The following RIMS2 variants were observed in gnomAD, a reference collection of about 807,000 sequenced individuals.
RIMS2 encodes regulating synaptic membrane exocytosis protein 2.
A neutral mutation model predicts 174.4 loss-of-function variants in RIMS2; 59 were observed. That is an observed-to-expected ratio of 0.34 (90% CI 0.27 to 0.42). The LOEUF (loss-of-function observed/expected upper bound fraction) is 0.42, where lower values mean the gene tolerates loss of function less well. Ranked by LOEUF, RIMS2 falls within the 10% of genes least tolerant of loss-of-function variation. The probability of loss-of-function intolerance (pLI) is 1.00; values close to 1 mark genes in which losing one functional copy is unlikely to be tolerated. For missense variants in RIMS2, 1,620 were observed against 1,666.3 expected (o/e 0.97, Z 0.48); for synonymous variants, 606 against 572.5 (o/e 1.06, Z -0.84).
At chr8:104,036,557 C>T (rs558933590) in intron 19 of RIMS2, among the ~76,000 whole-genome samples, 1 of 152,146 alleles carries the variant, frequency 6.6e-6, no homozygotes, top group African/African-American at 2.4e-5. Flanking sequence ...AAAAACAGCA[C>T]AGCTCAAAAT....
intron 19 of RIMS2, among the ~76,000 whole-genome samples, chr8:104,036,487 T>A (rs1261057496): frequency 1.3e-5 from 2 of 151,904 alleles, no homozygotes; most frequent in Non-Finnish European, 2.9e-5. Context: ...CAGTACATAC[T>A]CTCTTTTTTT....
At chr8:103,976,674 A>C (rs2093469670) in intron 16 of RIMS2, 3 of 151,820 alleles carry the variant, frequency 2.0e-5, no homozygotes, top group South Asian at 2.1e-4. Flanking sequence ...CAGCCTCCCA[A>C]GTAGCTGGGA....
intron 19 of RIMS2, among the ~76,000 whole-genome samples, chr8:104,216,066 A>T (rs1387481336): frequency 6.6e-6 from 1 of 152,212 alleles, no homozygotes; most frequent in Admixed American, 6.5e-5. Flanking sequence ...TGCAAATCTC[A>T]TGAATATATA....
intron 3 of RIMS2, among the ~76,000 whole-genome samples, chr8:103,828,019 TA>T (rs1194305086): frequency 6.6e-6 from 1 of 152,202 alleles, no homozygotes; most frequent in Non-Finnish European, 1.5e-5. Context: ...TTTTGAATAT[TA>T]AACCAACTTT....
intron 4 of RIMS2, among the ~76,000 whole-genome samples, chr8:103,909,583 A>T (rs1235837519): frequency 1.3e-5 from 2 of 152,120 alleles, no homozygotes; most frequent in Non-Finnish European, 2.9e-5. Context: ...TTGTGAAAAC[A>T]ATTTTTTTAA....
intron 3 of RIMS2, among the ~76,000 whole-genome samples, chr8:103,793,336 A>G (rs1053621664): frequency 6.6e-6 from 1 of 152,192 alleles, no homozygotes; most frequent in Non-Finnish European, 1.5e-5. Flanking sequence ...AAACCACATG[A>G]TTATCTCAAT....
At chr8:103,571,848 G>C (rs1252138396) in intron 1 of RIMS2, among the ~76,000 whole-genome samples, 1 of 152,110 alleles carries the variant, frequency 6.6e-6, no homozygotes, top group African/African-American at 2.4e-5. Context: ...ATTTTCTTCT[G>C]TCTGTTCTGC....
At chr8:103,653,303 AT>A (rs151081550) in intron 1 of RIMS2, among the ~76,000 whole-genome samples, 6 of 152,132 alleles carry the variant, frequency 3.9e-5, no homozygotes, top group Non-Finnish European at 7.4e-5. Flanking sequence ...TATTGATTTC[AT>A]TTTTTTGTTA....
At chr8:103,802,324 T>C (rs941110707) in intron 3 of RIMS2, among the ~76,000 whole-genome samples, 1 of 152,226 alleles carries the variant, frequency 6.6e-6, no homozygotes, top group Non-Finnish European at 1.5e-5. Context: ...TTTACAGATA[T>C]ATTAGCAGTA....
At chr8:103,928,938 T>C (rs562758719) in intron 11 of RIMS2, among the ~76,000 whole-genome samples, 55 of 151,676 alleles carry the variant, frequency 3.6e-4, no homozygotes, top group Middle Eastern at 6.8e-3. Context: ...TTAAGAATGT[T>C]ATAAAGTGAT....
intron 15 of RIMS2, among the ~76,000 whole-genome samples, chr8:103,961,679 A>G (rs927008389): frequency 6.6e-6 from 1 of 152,158 alleles, no homozygotes; most frequent in African/African-American, 2.4e-5. Context: ...GCAAGTTCTG[A>G]TGACAATGTT....
chr8:104,000,119 A>G (rs1042660208), intron 17 of RIMS2, among the ~76,000 whole-genome samples: 2 of 151,678 alleles, frequency 1.3e-5, no homozygotes, highest in Non-Finnish European at 3.0e-5. Flanking sequence ...CCTAGACAAT[A>G]TGGGTAGAAT....
Position 104,052,438 on chromosome 8 carries a change from C to A in RIMS2, c.3334+37823C>A, listed in dbSNP as rs144030514. ...CATGGTCATGGGTGGGGTTAGCCTG[C>A]AGCTTCAGAACTCAAAGTGAAAGGA... On this transcript the variant is annotated intron_variant, in intron 19 of 23. Coordinates refer to ENST00000504942, the Ensembl canonical transcript of RIMS2. Among the ~76,000 whole-genome samples, 40 of 152,182 alleles carry A rather than the reference C, an allele frequency of 2.6e-4. No individual in the cohort carries two copies. In the East Asian group the frequency reaches 6.0e-3, roughly 23 times the overall value.
At chr8:103,933,990 A>G (rs1049762815) in intron 12 of RIMS2, among the ~76,000 whole-genome samples, 1 of 152,184 alleles carries the variant, frequency 6.6e-6, no homozygotes, top group Non-Finnish European at 1.5e-5. Context: ...CAGTTAAGCC[A>G]TGTGAAAATT....
chr8:103,644,057 T>C (rs2096279853), intron 1 of RIMS2, among the ~76,000 whole-genome samples: 1 of 151,940 alleles, frequency 6.6e-6, no homozygotes, highest in African/African-American at 2.4e-5. Context: ...CAGGAGAGGA[T>C]TTTTCTCTGA....
intron 1 of RIMS2, among the ~76,000 whole-genome samples, chr8:103,671,693 C>G (rs987503347): frequency 1.3e-5 from 2 of 152,136 alleles, no homozygotes; most frequent in Non-Finnish European, 2.9e-5. Flanking sequence ...ATCAAAGACA[C>G]AAGTGAGAAG....
intron 1 of RIMS2, among the ~76,000 whole-genome samples, chr8:103,644,336 T>C (rs1185208863): frequency 6.6e-6 from 1 of 152,116 alleles, no homozygotes; most frequent in Non-Finnish European, 1.5e-5. Context: ...GTCACATTAA[T>C]TTCTTGATGA....
intron 3 of RIMS2, among the ~76,000 whole-genome samples, chr8:103,871,469 A>G (rs2099111407): frequency 6.6e-6 from 1 of 152,168 alleles, no homozygotes; most frequent in African/African-American, 2.4e-5. Context: ...GTGGATACAA[A>G]TGTGTAGATT....
chr8:103,515,983 C>T (rs1828765368), intron 1 of RIMS2, among the ~76,000 whole-genome samples: 1 of 151,968 alleles, frequency 6.6e-6, no homozygotes, highest in Non-Finnish European at 1.5e-5. Context: ...TCTCTATATC[C>T]TCTCATGTGC....
Sources: allele counts gnomAD v4.1 joint callset (sites outside exome capture counted in the v4.1 genomes callset), GRCh38; gene constraint gnomAD v4.1.1; transcripts MANE v1.5; gene names NCBI Gene and HGNC (gene_info 2026-07-23, HGNC 2026-07-21).